NPAS3: variants seen among roughly 807,000 people sequenced by gnomAD.
NPAS3 encodes the protein neuronal PAS domain protein 3, also known as neuronal PAS domain-containing protein 3.
NPAS3 carries 14 observed loss-of-function variants against 73.1 expected under a neutral mutation model. The ratio of observed to expected loss-of-function variants is 0.19; its 90% CI spans 0.13 to 0.30. The LOEUF (loss-of-function observed/expected upper bound fraction) is 0.30. Among genes scored for constraint, NPAS3 ranks in the 10% least tolerant of loss-of-function variants. The pLI is 1.00. For missense variants in NPAS3, 1,096 were observed against 1,250.0 expected (o/e 0.88, Z 1.86); for synonymous variants, 620 against 541.5 (o/e 1.14, Z -2.01).
intron 3 of NPAS3, among the ~76,000 whole-genome samples, chr14:33,243,581 G>T (rs1017438385): frequency 1.3e-5 from 2 of 152,032 alleles, no homozygotes; most frequent in African/African-American, 4.8e-5. Flanking sequence ...ATTATCAACA[G>T]CCAATTATTA....
intron 4 of NPAS3, among the ~76,000 whole-genome samples, chr14:33,521,334 G>T: frequency 6.6e-6 from 1 of 152,008 alleles, no homozygotes; most frequent in East Asian, 1.9e-4. Context: ...AGGATATTCT[G>T]CAGGAATCAG....
At chr14:33,681,787 G>GT in intron 6 of NPAS3, among the ~76,000 whole-genome samples, 1 of 152,282 alleles carries the variant, frequency 6.6e-6, no homozygotes, top group Middle Eastern at 3.4e-3. Context: ...AATTCACATG[G>GT]TGAGTACAGC....
intron 5 of NPAS3, among the ~76,000 whole-genome samples, chr14:33,617,148 C>T (rs1341880203): frequency 6.6e-6 from 1 of 152,078 alleles, no homozygotes; most frequent in African/African-American, 2.4e-5. Context: ...GGAATAGCCT[C>T]GGGGAGTTAA....
chr14:33,204,072 T>C (rs1349835739), intron 2 of NPAS3, among the ~76,000 whole-genome samples: 2 of 152,148 alleles, frequency 1.3e-5, no homozygotes, highest in East Asian at 3.9e-4. Context: ...TGATGGCCGG[T>C]GATGATGAGC....
intron 4 of NPAS3, among the ~76,000 whole-genome samples, chr14:33,407,705 C>T (rs2047730189): frequency 2.0e-5 from 3 of 152,084 alleles, no homozygotes; most frequent in Non-Finnish European, 4.4e-5. Context: ...TCCCCACCTT[C>T]TCATTTTTTT....
At chr14:33,656,238 T>C (rs758233999) in intron 5 of NPAS3, among the ~76,000 whole-genome samples, 11 of 152,224 alleles carry the variant, frequency 7.2e-5, no homozygotes, top group Non-Finnish European at 1.5e-4. Context: ...GTGTGGCATG[T>C]ATTGGTTTCT....
intron 5 of NPAS3, among the ~76,000 whole-genome samples, chr14:33,620,923 G>A (rs1359232466): frequency 6.6e-6 from 1 of 152,082 alleles, no homozygotes; most frequent in Non-Finnish European, 1.5e-5. Context: ...CTAACGTGTG[G>A]TTATATGTCA....
At chr14:33,686,349 G>A (rs932998533) in intron 6 of NPAS3, among the ~76,000 whole-genome samples, 2 of 152,292 alleles carry the variant, frequency 1.3e-5, no homozygotes, top group South Asian at 2.1e-4. Flanking sequence ...TCTAAGATCC[G>A]TGTGCTAAGT....
Position 33,588,636 on chromosome 14 carries a change from T to C in NPAS3, c.558+28426T>C, listed in dbSNP as rs116900106. 0.015 allele frequency among the ~76,000 whole-genome samples: 2,293 copies of C among 152,276 alleles called. 102 individuals are homozygous for C. In the East Asian group the frequency reaches 0.19, roughly 13 times the overall value. On this transcript the variant is annotated intron_variant, in intron 5 of 11. Transcript: ENST00000356141. ...AAAGATTTTGTTGTTGCTGCTGAGA[T>C]GGAGTCTCACTCTGTCACCCAGGCT... is the stretch of plus-strand genomic sequence containing the variant.
chr14:33,797,355 TA>T, intron 10 of NPAS3, 101 bp from the exon 11 acceptor site: 1 of 1,305,836 alleles, frequency 7.7e-7, no homozygotes, highest in Non-Finnish European at 1.1e-6. Context: ...TGAAACTTTC[TA>T]AACTCCAGAA....
intron 4 of NPAS3, among the ~76,000 whole-genome samples, chr14:33,374,283 C>G (rs935339383): frequency 6.6e-6 from 1 of 152,068 alleles, no homozygotes; most frequent in Non-Finnish European, 1.5e-5. Flanking sequence ...CTGTGTTTTA[C>G]AGAGGCTGTT....
intron 5 of NPAS3, among the ~76,000 whole-genome samples, chr14:33,570,493 A>G (rs2056159892): frequency 6.6e-6 from 1 of 152,198 alleles, no homozygotes; most frequent in Non-Finnish European, 1.5e-5. Flanking sequence ...CTAGGAACCA[A>G]TTCCCTGAAA....
At chr14:33,193,081 C>T (rs532905920) in intron 2 of NPAS3, among the ~76,000 whole-genome samples, 1 of 152,026 alleles carries the variant, frequency 6.6e-6, no homozygotes, top group Non-Finnish European at 1.5e-5. Flanking sequence ...GAAAACAATT[C>T]GTTGGTTTGC....
chr14:33,772,334 A>G (rs1302454508), intron 7 of NPAS3, among the ~76,000 whole-genome samples: 3 of 152,088 alleles, frequency 2.0e-5, no homozygotes, highest in Non-Finnish European at 2.9e-5. Flanking sequence ...ACCCCCTTCA[A>G]TAGACTCCTA....
chr14:33,150,761 C>T (rs2044415986), intron 2 of NPAS3, among the ~76,000 whole-genome samples: 1 of 152,190 alleles, frequency 6.6e-6, no homozygotes, highest in Non-Finnish European at 1.5e-5. Flanking sequence ...GAACTTACTA[C>T]TCTGTCTCTG....
intron 5 of NPAS3, among the ~76,000 whole-genome samples, chr14:33,639,467 G>A (rs759863355): frequency 7.2e-5 from 11 of 152,082 alleles, no homozygotes; most frequent in South Asian, 2.1e-4. Flanking sequence ...GTAAGGTCTC[G>A]CTGGTAGGCT....
chr14:33,795,085 T>C (rs1289429489), intron 10 of NPAS3, among the ~76,000 whole-genome samples: 1 of 152,218 alleles, frequency 6.6e-6, no homozygotes, highest in Non-Finnish European at 1.5e-5. Context: ...CTAACAACCA[T>C]GGCTCATCAG....
At chr14:33,111,556 C>G (rs34730748) in intron 2 of NPAS3, among the ~76,000 whole-genome samples, 1 of 151,970 alleles carries the variant, frequency 6.6e-6, no homozygotes, top group Non-Finnish European at 1.5e-5. Flanking sequence ...TATTAATGTG[C>G]AGGTTTCCCA....
At chr14:33,733,146 T>A (rs2061440191) in intron 6 of NPAS3, among the ~76,000 whole-genome samples, 1 of 152,148 alleles carries the variant, frequency 6.6e-6, no homozygotes, top group African/African-American at 2.4e-5. Flanking sequence ...AAGGCTGAGT[T>A]TGTGGTGTGG....
Sources: allele counts gnomAD v4.1 joint callset (sites outside exome capture counted in the v4.1 genomes callset), GRCh38; gene constraint gnomAD v4.1.1; transcripts MANE v1.5; gene names NCBI Gene and HGNC (gene_info 2026-07-23, HGNC 2026-07-21).